The following RHOBTB1 variants were observed in gnomAD, a reference collection of about 807,000 sequenced individuals.
RHOBTB1 encodes Rho related BTB domain containing 1, also known as rho-related BTB domain-containing protein 1.
RHOBTB1 carries 40 observed loss-of-function variants against 71.6 expected under a neutral mutation model. The ratio of observed to expected loss-of-function variants is 0.56; its 90% CI spans 0.43 to 0.73. The LOEUF is 0.73. Among genes scored for constraint, RHOBTB1 ranks in the 30% least tolerant of loss-of-function variants. The pLI, the probability that RHOBTB1 is intolerant of heterozygous loss-of-function variation, is 0.00. For missense variants in RHOBTB1, 797 were observed against 894.0 expected (o/e 0.89, Z 1.38); for synonymous variants, 319 against 334.9 (o/e 0.95, Z 0.52).
downstream of RHOBTB1, among the ~76,000 whole-genome samples, chr10:60,866,013 A>G (rs113301617): frequency 0.046 from 6,999 of 151,966 alleles, 295 homozygotes; most frequent in African/African-American, 0.12. Context: ...TGTATTTTTA[A>G]TAGAGACAGG....
At chr10:60,908,522 T>C (rs1413645396) in intron 4 of RHOBTB1, among the ~76,000 whole-genome samples, 1 of 152,170 alleles carries the variant, frequency 6.6e-6, no homozygotes, top group Non-Finnish European at 1.5e-5. Context: ...GTAAAAGCTA[T>C]AATTATGATT....
intron 10 of RHOBTB1, 73 bp downstream of exon 10, chr10:60,872,112 A>G (rs2080819338): frequency 2.7e-6 from 3 of 1,120,056 alleles, no homozygotes; most frequent in Non-Finnish European, 4.1e-6. Flanking sequence ...GTTCCTTTCC[A>G]GGGACATAGA....
intron 8 of RHOBTB1, chr10:60,877,304 A>G (rs1414753773): frequency 6.6e-6 from 1 of 152,256 alleles, no homozygotes; most frequent in Non-Finnish European, 1.5e-5. Flanking sequence ...AACCACTTAC[A>G]TAATGCTTAC....
At chr10:60,901,642 T>C (rs2082418034) in intron 4 of RHOBTB1, among the ~76,000 whole-genome samples, 1 of 152,224 alleles carries the variant, frequency 6.6e-6, no homozygotes, top group African/African-American at 2.4e-5. Flanking sequence ...GGAATATATT[T>C]CTTCATCAGA....
intron 4 of RHOBTB1, among the ~76,000 whole-genome samples, chr10:60,904,426 T>G (rs1013503222): frequency 1.3e-5 from 2 of 152,168 alleles, no homozygotes; most frequent in African/African-American, 4.8e-5. Context: ...GATCCATCCC[T>G]CCCCTCCATC....
chr10:60,924,512 A>AAGAG (rs148672891), intron 2 of RHOBTB1, among the ~76,000 whole-genome samples: 1 of 151,066 alleles, frequency 6.6e-6, no homozygotes, highest in East Asian at 1.9e-4. Context: ...ATTAGAGCTA[A>AAGAG]AGAGAGAGAG....
chr10:60,959,299 C>T (rs2085702572), intron 2 of RHOBTB1, among the ~76,000 whole-genome samples: 1 of 152,136 alleles, frequency 6.6e-6, no homozygotes, highest in South Asian at 2.1e-4. Context: ...AACGGACCTA[C>T]AGTATGGCAC....
At chr10:60,862,186 T>TTTTCTTTTC in the RHOBTB1 span, among the ~76,000 whole-genome samples, 1 of 150,094 alleles carries the variant, frequency 6.7e-6, no homozygotes, top group African/African-American at 2.5e-5. Context: ...CTTTTCTTTT[T>TTTTCTTTTC]TTTCTTTTCT....
the RHOBTB1 span, among the ~76,000 whole-genome samples, chr10:60,862,025 G>A: frequency 1.5e-4 from 23 of 151,970 alleles, no homozygotes; most frequent in African/African-American, 4.8e-4. Flanking sequence ...GAGTCAGGTC[G>A]GGTTCTACAT....
chr10:60,869,133 A>G (rs956631269), downstream of RHOBTB1, among the ~76,000 whole-genome samples: 7 of 152,256 alleles, frequency 4.6e-5, no homozygotes, highest in African/African-American at 1.7e-4. Context: ...AACCCAGATT[A>G]TACTAAGTCC....
chr10:60,870,942 C>T lies in RHOBTB1; in HGVS notation c.*540G>A, dbSNP rs2080750444. The T allele has an allele frequency of 6.6e-6, 1 of 152,628 alleles. No homozygotes were observed. Among genetic ancestry groups the T allele is most frequent in the Non-Finnish European group, 1.5e-5 (1 of 68,076 alleles). The allele number at this position is 152,628 out of a possible 1,614,324, so 9.5% of individuals were successfully genotyped here. On this transcript the variant is annotated 3_prime_UTR_variant, in exon 11 of 11. Transcript: ENST00000337910. ...AACAGAACAAAGATTAAACACTCTCCAATTTGCACTTTGGGAGATTTCAGT... is the reference window on the plus strand; with the variant it reads ...AACAGAACAAAGATTAAACACTCTCTAATTTGCACTTTGGGAGATTTCAGT...
intron 2 of RHOBTB1, among the ~76,000 whole-genome samples, chr10:60,962,100 G>A (rs1353554302): frequency 6.6e-6 from 1 of 152,106 alleles, no homozygotes; most frequent in Non-Finnish European, 1.5e-5. Flanking sequence ...AAGCCACTGT[G>A]CCTGGCCCAT....
intron 2 of RHOBTB1, among the ~76,000 whole-genome samples, chr10:60,923,615 T>C (rs1260902240): frequency 1.3e-5 from 2 of 152,210 alleles, no homozygotes; most frequent in Non-Finnish European, 2.9e-5. Context: ...TTGAATAGTA[T>C]GCGATATGGT....
In RHOBTB1 at chr10:60,997,064, T is replaced by TACACAC. The variant is rs3049452; in HGVS notation, c.-163+4329_-163+4334dup. On this transcript the variant is annotated intron_variant, in intron 1 of 11. Coordinates refer to the RHOBTB1 transcript ENST00000357917. ...GTCTAGTAGCCACAGCATGGTTATGTACACACACACACACACACACACACA... is the reference window on the plus strand; with the variant it reads ...GTCTAGTAGCCACAGCATGGTTATGTACACACACACACACACACACACACACACACA... Among the ~76,000 whole-genome samples, 1,267 of 144,938 alleles carry TACACAC rather than the reference T, an allele frequency of 8.7e-3. 7 individuals carry two copies. The highest frequency in any genetic ancestry group is 0.014 in the African/African-American group (533 of 39,480).
chr10:60,978,644 A>G (rs1295265012), intron 2 of RHOBTB1, among the ~76,000 whole-genome samples: 2 of 152,156 alleles, frequency 1.3e-5, no homozygotes, highest in African/African-American at 4.8e-5. Flanking sequence ...TTCTAGAGAT[A>G]AATCAAGCTT....
intron 2 of RHOBTB1, among the ~76,000 whole-genome samples, chr10:60,957,958 C>T (rs2085651195): frequency 6.6e-6 from 1 of 152,108 alleles, no homozygotes; most frequent in African/African-American, 2.4e-5. Flanking sequence ...AACCATAATA[C>T]AATATTACTG....
intron 7 of RHOBTB1, among the ~76,000 whole-genome samples, chr10:60,878,448 T>C (rs2081152468): frequency 6.6e-6 from 1 of 152,182 alleles, no homozygotes. Flanking sequence ...ACACTGTTGC[T>C]GACATGATGG....
intron 4 of RHOBTB1, among the ~76,000 whole-genome samples, chr10:60,899,570 T>G (rs184354950): frequency 4.6e-3 from 702 of 152,306 alleles, no homozygotes; most frequent in Non-Finnish European, 7.6e-3. Context: ...CTACCCAGCC[T>G]CCTTGGCAAC....
intron 2 of RHOBTB1, among the ~76,000 whole-genome samples, chr10:60,937,362 T>C (rs2134106506): frequency 6.6e-6 from 1 of 152,308 alleles, no homozygotes; most frequent in Non-Finnish European, 1.5e-5. Flanking sequence ...AGGAGCAGCA[T>C]ACCTCAAATA....
Sources: gnomAD v4.1 joint callset for allele counts (sites outside exome capture counted in the v4.1 genomes callset) on GRCh38, gnomAD v4.1.1 for gene constraint, MANE v1.5 for transcripts, NCBI Gene and HGNC (gene_info 2026-07-23, HGNC 2026-07-21) for gene names.